Variants in FBXW10B observed in about 807,000 individuals in gnomAD.
FBXW10B encodes F-box and WD repeat domain containing protein 10B.
chr17:15,592,263 T>G, the FBXW10B span, among the ~76,000 whole-genome samples: 1 of 151,772 alleles, frequency 6.6e-6, no homozygotes, highest in Admixed American at 6.6e-5. Context: ...AAAACACCTT[T>G]CTTTGGATGC....
the FBXW10B span, among the ~76,000 whole-genome samples, chr17:15,591,774 C>G: frequency 1.3e-5 from 2 of 152,154 alleles, no homozygotes; most frequent in African/African-American, 4.8e-5. Context: ...GAGGAAAGCT[C>G]TCTAATGGGG....
the FBXW10B span, chr17:15,615,794 A>G: frequency 1.9e-6 from 3 of 1,613,690 alleles, no homozygotes; most frequent in East Asian, 2.2e-5. Context: ...CACATCTGTG[A>G]TGTCTTGATT....
chr17:15,594,914 T>C, the FBXW10B span: 1 of 1,612,934 alleles, frequency 6.2e-7, no homozygotes, highest in Non-Finnish European at 8.5e-7. Flanking sequence ...TACCACTGTC[T>C]TCAACTCAGA....
chr17:15,587,639 C>T, the FBXW10B span, among the ~76,000 whole-genome samples: 5 of 152,030 alleles, frequency 3.3e-5, no homozygotes, highest in South Asian at 1.0e-3. Flanking sequence ...CATAATTCTA[C>T]AAGTTAGTCT....
At chr17:15,601,034 A>C in the FBXW10B span, among the ~76,000 whole-genome samples, 1 of 83,754 alleles carries the variant, frequency 1.2e-5, no homozygotes, top group Non-Finnish European at 2.1e-5. Flanking sequence ...CTGGCAACAG[A>C]GCGAGACTCC....
chr17:15,599,912 C>T, the FBXW10B span, among the ~76,000 whole-genome samples: 1 of 151,926 alleles, frequency 6.6e-6, no homozygotes, highest in African/African-American at 2.4e-5. Context: ...CATCTGTAAA[C>T]TGAGAATAAT....
At chr17:15,566,061 T>C in the FBXW10B span, 105 of 1,607,338 alleles carry the variant, frequency 6.5e-5, no homozygotes, top group Non-Finnish European at 8.2e-5. Context: ...GTTTCACATC[T>C]ATAGGAGGAT....
At chr17:15,605,749 T>C in the FBXW10B span, among the ~76,000 whole-genome samples, 1 of 152,034 alleles carries the variant, frequency 6.6e-6, no homozygotes, top group Non-Finnish European at 1.5e-5. Flanking sequence ...CACGGAAACC[T>C]TTTTTCTTGG....
At chr17:15,572,011 G>A in the FBXW10B span, 1 of 152,080 alleles carries the variant, frequency 6.6e-6, no homozygotes, top group Admixed American at 6.5e-5. Context: ...GCTACAGAGG[G>A]GCATAAGAAA....
the FBXW10B span, among the ~76,000 whole-genome samples, chr17:15,594,167 G>C: frequency 5.1e-3 from 777 of 151,988 alleles, 7 homozygotes; most frequent in African/African-American, 0.018. Context: ...TTAATGTTTT[G>C]ATTCTTTTTA....
chr17:15,598,760 A>C, the FBXW10B span: 2 of 1,535,858 alleles, frequency 1.3e-6, no homozygotes, highest in South Asian at 2.6e-5. Flanking sequence ...GCAGATTCTC[A>C]TGGTTCAGCT....
chr17:15,597,183 C>T, the FBXW10B span, among the ~76,000 whole-genome samples: 3 of 151,588 alleles, frequency 2.0e-5, no homozygotes, highest in Admixed American at 2.0e-4. Flanking sequence ...TTTTTAAATA[C>T]TTCTGAATCT....
At chr17:15,565,653 A>G in the FBXW10B span, 6 of 1,614,270 alleles carry the variant, frequency 3.7e-6, no homozygotes, top group Admixed American at 1.7e-5. Flanking sequence ...TTCCTGGATC[A>G]ACCACTCCAG....
the FBXW10B span, among the ~76,000 whole-genome samples, chr17:15,601,347 G>T: frequency 2.0e-5 from 3 of 148,026 alleles, no homozygotes; most frequent in Non-Finnish European, 4.5e-5. Flanking sequence ...AGGCGGAGCT[G>T]GCAGTGAGCT....
At chr17:15,567,459 C>T in the FBXW10B span, among the ~76,000 whole-genome samples, 2 of 151,786 alleles carry the variant, frequency 1.3e-5, no homozygotes, top group African/African-American at 4.8e-5. Context: ...TATACAGATC[C>T]TCATCATACA....
At chr17:15,601,267 G>A in the FBXW10B span, among the ~76,000 whole-genome samples, 2 of 149,492 alleles carry the variant, frequency 1.3e-5, no homozygotes, top group Non-Finnish European at 3.0e-5. Flanking sequence ...AAATTAGCCA[G>A]GCGTGGTGGT....
At chr17:15,566,225 G>A in the FBXW10B span, 1 of 1,612,246 alleles carries the variant, frequency 6.2e-7, no homozygotes, top group Non-Finnish European at 8.5e-7. Context: ...CGGGCGTGCT[G>A]CAGGGCGCTA....
the FBXW10B span, among the ~76,000 whole-genome samples, chr17:15,601,320 A>AATGGC: frequency 4.0e-5 from 6 of 149,402 alleles, no homozygotes; most frequent in South Asian, 1.3e-3. Flanking sequence ...GAGGAAGGAG[A>AATGGC]ATGGCGTGAA....
the FBXW10B span, among the ~76,000 whole-genome samples, chr17:15,576,462 A>G: frequency 0.22 from 33,177 of 152,108 alleles, 8,203 homozygotes; most frequent in African/African-American, 0.58. Flanking sequence ...TGAATAGATC[A>G]GTACAAACAA....
Sources: allele counts gnomAD v4.1 joint callset (sites outside exome capture counted in the v4.1 genomes callset), GRCh38; gene constraint gnomAD v4.1.1; transcripts MANE v1.5; gene names NCBI Gene and HGNC (gene_info 2026-07-23, HGNC 2026-07-21).